ITGA10: variants seen among roughly 807,000 people sequenced by gnomAD.
The protein encoded by ITGA10 is integrin alpha-10.
Under a neutral mutation model 145.2 loss-of-function variants are expected in ITGA10, and 105 were observed. The observed-to-expected ratio is 0.72, with a 90% CI of 0.62 to 0.85. ITGA10 has a LOEUF of 0.85. Ranked by LOEUF, ITGA10 falls within the 40% of genes least tolerant of loss-of-function variation. The probability of loss-of-function intolerance (pLI) is 0.00; values close to 1 mark genes in which losing one functional copy is unlikely to be tolerated. For synonymous variants in ITGA10, 506 were observed against 557.8 expected, an observed-to-expected ratio of 0.91 and a Z score of 1.31; for missense variants, 1,317 against 1,444.5, an observed-to-expected ratio of 0.91 and a Z score of 1.43.
chr1:145,906,359 C>G, intron 5 of ITGA10, 35 bp downstream of exon 5: 1 of 1,537,756 alleles, frequency 6.5e-7, no homozygotes, highest in Non-Finnish European at 9.0e-7. Flanking sequence ...GTATCTCCTT[C>G]TGGGAACCAA....
intron 7 of ITGA10, 32 bp from the exon 8 acceptor site, chr1:145,902,993 A>G (rs1656573222): frequency 6.7e-7 from 1 of 1,498,502 alleles, no homozygotes; most frequent in East Asian, 2.3e-5. Context: ...GTGAGATCAG[A>G]TGTATGCAGA....
intron 5 of ITGA10, chr1:145,905,682 T>C (rs1312199741): frequency 6.6e-6 from 1 of 152,194 alleles, no homozygotes; most frequent in Non-Finnish European, 1.5e-5. Flanking sequence ...GCTCAAGTGA[T>C]CCTCCCACCT....
Position 145,901,751 on chromosome 1 carries a change from C to A in ITGA10, c.1295-87G>T. ...TCCCTAAAGGCATAGCAGGAGGTCCCAAGGGAAGTAACCAGAGGTCAGTGA... is the reference window on the plus strand; with the variant it reads ...TCCCTAAAGGCATAGCAGGAGGTCCAAAGGGAAGTAACCAGAGGTCAGTGA... On this transcript the variant is annotated intron_variant, in intron 11 of 29. Coordinates refer to ENST00000369304, the MANE Select transcript of ITGA10 (RefSeq NM_003637.5). The surrounding 1 kb of genome is among the most constrained non-coding windows in gnomAD (Gnocchi z 4.3). 6.5e-7 allele frequency: 1 copy of A among 1,540,292 alleles called. No individual in the cohort carries two copies.
chr1:145,909,892 A>G, intron 1 of ITGA10, 71 bp downstream of exon 1: 1 of 1,298,048 alleles, frequency 7.7e-7, no homozygotes, highest in Admixed American at 1.7e-5. Context: ...TTTTAACTAT[A>G]ATGGTCCCAA....
chr1:145,902,390 C>G, intron 9 of ITGA10, 64 bp downstream of exon 9: 1 of 1,609,942 alleles, frequency 6.2e-7, no homozygotes, highest in South Asian at 1.1e-5. Flanking sequence ...TGAACTCACT[C>G]CAGAGCCCCA....
Position 145,895,656 on chromosome 1 carries a change from T to C in ITGA10, c.3089A>G (p.Glu1030Gly). The C allele has an allele frequency of 8.1e-6, 13 of 1,614,192 alleles. No individual in the cohort carries two copies. Among genetic ancestry groups the C allele is most frequent in the Non-Finnish European group, 1.1e-5 (13 of 1,180,010 alleles). The part of the protein sequence containing the change: ...TEPPGPPVHP[E>G]ELQHTNRLNG... Reference sequence around the variant, plus strand: ...CAGTCTGTTTGTGTGTTGAAGCTCCTCTGGATGCACAGGTGGGCCTGGGGG... The same window carrying C: ...CAGTCTGTTTGTGTGTTGAAGCTCCCCTGGATGCACAGGTGGGCCTGGGGG... The change falls in exon 26 of 30, where the codon GAG becomes GGG. Residue 1030 changes from glutamate to glycine, a missense_variant. Transcript: ENST00000369304.
chr1:145,895,739 C>T, intron 25 of ITGA10, 28 bp from the exon 26 acceptor site: 2 of 1,608,552 alleles, frequency 1.2e-6, no homozygotes, highest in Non-Finnish European at 8.5e-7. Context: ...TTGAAAGACC[C>T]TCCTGATGGG....
At chr1:145,903,018 C>CACAT in intron 7 of ITGA10, 57 bp from the exon 8 acceptor site, 1 of 703,520 alleles carries the variant, frequency 1.4e-6, no homozygotes, top group Non-Finnish European at 2.1e-6. Flanking sequence ...CACACACACA[C>CACAT]ACACATACAC....
Position 145,906,423 on chromosome 1 carries a change from G to A in ITGA10, c.452C>T (p.Pro151Leu), listed in dbSNP as rs782167008. The A allele has an allele frequency of 1.2e-6, 2 of 1,614,044 alleles. No individual in the cohort carries two copies. Among genetic ancestry groups the A allele is most frequent in the Non-Finnish European group, 1.7e-6 (2 of 1,179,992 alleles). ...GGCAGTGGGTGCCAGGCTTCCCTGA[G>A]GCTGGAATGAAGCATCCACACGGGC... ...ICARVDASFQ[P>L]QGSLAPTAQR... Residue 151 changes from proline to leucine, a missense_variant, in exon 5 of 30, where the codon CCT becomes CTT. Physicochemically the swap from Pro to Leu is moderately conservative, Grantham distance 98. Transcript: ENST00000369304.
At chr1:145,895,101 T>C (rs1219298980) in intron 27 of ITGA10, among the ~76,000 whole-genome samples, 179 bp downstream of exon 27, 2 of 152,226 alleles carry the variant, frequency 1.3e-5, no homozygotes, top group Admixed American at 1.3e-4. Flanking sequence ...ATTGGTATTA[T>C]CTTCCCATTT....
intron 26 of ITGA10, 114 bp downstream of exon 26, chr1:145,895,517 C>A: frequency 7.4e-7 from 1 of 1,344,232 alleles, no homozygotes; most frequent in Non-Finnish European, 1.1e-6. Context: ...CACTCCAGAT[C>A]AGGACCCTGG....
rs142193785 is a variant in ITGA10 at position 145,893,597 on chromosome 1, C to G, written c.3267G>C (p.Glu1089Asp). 2.5e-6 allele frequency: 4 copies of G among 1,613,370 alleles called. No homozygotes were observed. The highest frequency in any genetic ancestry group is 3.4e-6 in the Non-Finnish European group (4 of 1,179,750). Residue 1089 changes from glutamate (E) to aspartate (D), a missense_variant, in exon 28 of 30, where the codon GAG (glutamate) becomes GAC (aspartate). Coordinates refer to ENST00000369304, the MANE Select transcript of ITGA10 (RefSeq NM_003637.5). ...GGACACTGCCCTCTTCGGTTCCCAG[C>G]TCAAAGGTGCTGACCACCGTCAGGG... is the stretch of plus-strand genomic sequence containing the variant. ...FKSLTVVSTF[E>D]LGTEEGSVLQ...
rs782650901 is a variant in ITGA10, at chr1:145,904,097, C to T, written c.713G>A (p.Arg238Gln). The change falls in exon 7 of 30, where the codon CGG becomes CAG. Residue 238 changes from arginine (R) to glutamine (Q), a missense_variant. Coordinates refer to ENST00000369304, the MANE Select transcript of ITGA10 (RefSeq NM_003637.5). ...GGCAGTCTTTGTTTCTCGTCCCTCC[C>T]GCCGACTGAGGTTCTTTGCTGCTCT... Reference protein sequence around the residue: ...VVRAAKNLSRREGRETKTAQA... With the variant: ...VVRAAKNLSRQEGRETKTAQA... 46 of 1,613,994 alleles carry T rather than the reference C, an allele frequency of 2.9e-5. No homozygotes were observed. Among genetic ancestry groups the T allele is most frequent in the African/African-American group, 5.3e-5 (4 of 74,904 alleles).
At chr1:145,905,381 G>A (rs587710095) in intron 5 of ITGA10, among the ~76,000 whole-genome samples, 6 of 151,736 alleles carry the variant, frequency 4.0e-5, no homozygotes, top group East Asian at 3.9e-4. Context: ...CTGGGTTCAC[G>A]CCATTCTCCT....
At position 145,895,620 on chromosome 1, in the gene ITGA10, G is replaced by C. The variant is rs367675256; in HGVS notation, c.3114+11C>G. Reference sequence around the variant, plus strand: ...GCATTCCCACTCTGGACACCCCTTTGTGACTCATACCAGTCTGTTTGTGTG... The same window carrying C: ...GCATTCCCACTCTGGACACCCCTTTCTGACTCATACCAGTCTGTTTGTGTG... On this transcript the variant is annotated intron_variant, in intron 26 of 29. Coordinates refer to ENST00000369304, the MANE Select transcript of ITGA10 (RefSeq NM_003637.5). 3 of 1,613,672 alleles carry C rather than the reference G, an allele frequency of 1.9e-6. No homozygotes were observed. Among genetic ancestry groups the C allele is most frequent in the African/African-American group, 1.3e-5 (1 of 75,036 alleles).
rs1048665297 is a variant in ITGA10 at position 145,893,553 on chromosome 1, G to C, written c.3311C>G (p.Ser1104Cys). 6.2e-7 allele frequency: 1 copy of C among 1,611,328 alleles called. No homozygotes were observed. The highest frequency in any genetic ancestry group is 1.3e-5 in the African/African-American group (1 of 74,818). ...EGSVLQLTEA[S>C]RWSESLLEVV... ...CTCCAGCCCTACCTCACTCCAACGGGAGGCTTCAGTCAGCTGTAGGACACT... is the reference window on the plus strand; with the variant it reads ...CTCCAGCCCTACCTCACTCCAACGGCAGGCTTCAGTCAGCTGTAGGACACT... The change falls in exon 28 of 30, where the codon TCC (serine) becomes TGC (cysteine). Residue 1104 changes from serine to cysteine, a missense_variant. By Grantham distance (112) the Ser-to-Cys change is moderately radical. Transcript: ENST00000369304.
chr1:145,903,612 A>T (rs1656687217), intron 7 of ITGA10, among the ~76,000 whole-genome samples: 1 of 151,394 alleles, frequency 6.6e-6, no homozygotes, highest in African/African-American at 2.4e-5. Context: ...TGGGATATAC[A>T]CACTGCACTC....
In ITGA10 at chr1:145,896,039, C is replaced by CCCACA; in HGVS notation, c.2976_2977insTGTGG (p.Ala993CysfsTer25). The CCCACA allele has an allele frequency of 6.2e-7, 1 of 1,614,130 alleles. No homozygotes were observed. ...AAGTAATTGCCCCCATGGGCCACAG[C>CCCACA]TGGAAGGAGGGCTGAGATGATGAGG... On this transcript the variant is annotated frameshift_variant, in exon 25 of 30. Coordinates refer to ENST00000369304, the MANE Select transcript of ITGA10 (RefSeq NM_003637.5). LOFTEE classifies it high-confidence loss of function.
intron 6 of ITGA10, 43 bp downstream of exon 6, chr1:145,904,641 G>A (rs369952467): frequency 5.6e-6 from 9 of 1,608,318 alleles, no homozygotes; most frequent in East Asian, 2.2e-5. Flanking sequence ...TCTTAAGTAG[G>A]TGCCACAAGC....
Sources: allele counts gnomAD v4.1 joint callset (sites outside exome capture counted in the v4.1 genomes callset), GRCh38; gene constraint gnomAD v4.1.1; non-coding constraint Gnocchi (gnomAD v3.1); transcripts MANE v1.5; gene names NCBI Gene and HGNC (gene_info 2026-07-23, HGNC 2026-07-21).